Variants in PBRM1 observed in about 807,000 individuals in gnomAD.
PBRM1 encodes the protein protein polybromo-1.
In PBRM1, 27 loss-of-function variants were observed where a neutral mutation model predicts 194.5. The observed-to-expected ratio is 0.14, with a 90% CI of 0.10 to 0.19. The LOEUF is 0.19. PBRM1 is among the 10% of genes least tolerant of loss of function. The pLI is 1.00. For synonymous variants in PBRM1, 655 were observed against 693.2 expected, an observed-to-expected ratio of 0.94 and a Z score of 0.87; for missense variants, 1,466 against 2,077.2, an observed-to-expected ratio of 0.71 and a Z score of 5.72.
chr3:52,668,902 G>A (rs921174596), intron 2 of PBRM1, among the ~76,000 whole-genome samples: 8 of 152,008 alleles, frequency 5.3e-5, no homozygotes, highest in Non-Finnish European at 1.0e-4. Context: ...CACCTGTGAT[G>A]GTCTTTTATA....
intron 15 of PBRM1, among the ~76,000 whole-genome samples, chr3:52,612,678 C>A (rs997770650): frequency 1.3e-4 from 19 of 151,982 alleles, no homozygotes; most frequent in African/African-American, 4.6e-4. Flanking sequence ...CGGAGGCGGA[C>A]GGATCACTTG....
intron 15 of PBRM1, among the ~76,000 whole-genome samples, chr3:52,613,172 A>C (rs1470387835): frequency 6.6e-6 from 1 of 152,192 alleles, no homozygotes; most frequent in East Asian, 1.9e-4. Context: ...ATATCTGCAC[A>C]TATTACAGAT....
At chr3:52,590,270 C>T (rs1224134729) in intron 17 of PBRM1, among the ~76,000 whole-genome samples, 1 of 151,894 alleles carries the variant, frequency 6.6e-6, no homozygotes, top group Non-Finnish European at 1.5e-5. Context: ...GCCTGGCCAA[C>T]ATGGTGAAAC....
chr3:52,587,525 G>A lies in PBRM1; in HGVS notation c.2966-15C>T, dbSNP rs751089459. ...CCATTTTTCACCTCAAAAATGGGGG[G>A]TGGGGGAAGGGGAAGAGAAAGAGAA... is the stretch of plus-strand genomic sequence containing the variant. On this transcript the variant is annotated splice_polypyrimidine_tract_variant and intron_variant, in intron 18 of 29. Transcript: ENST00000296302. 12 of 1,566,430 alleles carry A rather than the reference G, an allele frequency of 7.7e-6. No homozygotes were observed. The East Asian group carries it at 2.5e-4, about 33-fold the overall frequency.
chr3:52,658,412 C>CTTT (rs200866604), intron 4 of PBRM1, 97 bp from the exon 6 acceptor site: 122 of 445,288 alleles, frequency 2.7e-4, no homozygotes, highest in South Asian at 3.7e-4. Flanking sequence ...AAAACAGCAA[C>CTTT]TTTTTTTTTT....
chr3:52,647,445 AAAAAAAAAAAAAATATATATATATATAT>A (rs1435959753), intron 7 of PBRM1, among the ~76,000 whole-genome samples: 2 of 80,672 alleles, frequency 2.5e-5, no homozygotes, highest in Non-Finnish European at 5.1e-5. Context: ...AAAAAAAAAA[AAAAAAAAAAAAAATATATATATATATAT>A]ATATATATAT....
chr3:52,592,307 T>C (rs1274711075), intron 17 of PBRM1, among the ~76,000 whole-genome samples: 1 of 151,670 alleles, frequency 6.6e-6, no homozygotes, highest in Non-Finnish European at 1.5e-5. Flanking sequence ...AATTTTTGTA[T>C]TGTTTCTAGA....
chr3:52,640,265 A>G (rs1231445563), intron 10 of PBRM1, among the ~76,000 whole-genome samples: 36 of 151,676 alleles, frequency 2.4e-4, no homozygotes, highest in African/African-American at 4.8e-5. Context: ...CAAAAGCCCA[A>G]TTTTATTATT....
chr3:52,584,450 C>CTTTTTTTTTATTTTTTTT (rs2092010305), intron 20 of PBRM1, among the ~76,000 whole-genome samples: 1 of 60,750 alleles, frequency 1.6e-5, no homozygotes, highest in African/African-American at 7.7e-5. Context: ...AGTATTCTTG[C>CTTTTTTTTTATTTTTTTT]TTTTTTTTTT....
chr3:52,556,064 T>A (rs536842373), intron 26 of PBRM1, among the ~76,000 whole-genome samples: 23 of 152,312 alleles, frequency 1.5e-4, no homozygotes, highest in African/African-American at 5.1e-4. Flanking sequence ...CTCATTTTTA[T>A]AAAATACTCT....
Position 52,666,385 on chromosome 3 carries a change from A to C in PBRM1, c.384+2113T>G, listed in dbSNP as rs144664836. ...TGGCAAAACCACGTAAAAATACAAAAATTAGCCAGGCATGATGGTGGGTGC... is the reference window on the plus strand; with the variant it reads ...TGGCAAAACCACGTAAAAATACAAACATTAGCCAGGCATGATGGTGGGTGC... On this transcript the variant is annotated intron_variant, in intron 3 of 29. Coordinates refer to ENST00000296302, the Ensembl canonical transcript of PBRM1. 3.6e-4 allele frequency among the ~76,000 whole-genome samples: 55 copies of C among 152,216 alleles called. No individual in the cohort carries two copies. In the East Asian group the frequency reaches 7.9e-3, roughly 22 times the overall value.
intron 13 of PBRM1, among the ~76,000 whole-genome samples, chr3:52,618,056 C>G (rs569296664): frequency 6.6e-6 from 1 of 152,316 alleles, no homozygotes; most frequent in East Asian, 1.9e-4. Flanking sequence ...AAGGAGACTG[C>G]CAGACTAGTG....
chr3:52,651,869 G>C lies in PBRM1; in HGVS notation c.646-59C>G, dbSNP rs959975301. On this transcript the variant is annotated intron_variant, in intron 5 of 29. Coordinates refer to ENST00000296302, the Ensembl canonical transcript of PBRM1. ...TTAAACTATTCAGCTAATGAAAAGA[G>C]AAGGAAGTACATTGACAATCTGTTG... is the stretch of plus-strand genomic sequence containing the variant. 5.4e-6 allele frequency: 6 copies of C among 1,111,738 alleles called. No individual in the cohort carries two copies. In the African/African-American group the frequency reaches 7.9e-5, roughly 15 times the overall value. The allele number at this position is 1,111,738 out of a possible 1,614,324, so 68.9% of individuals were successfully genotyped here.
chr3:52,652,374 G>A (rs1195722360), intron 5 of PBRM1, among the ~76,000 whole-genome samples: 8 of 135,314 alleles, frequency 5.9e-5, no homozygotes, highest in Non-Finnish European at 1.1e-4. Context: ...ACAAGAAAGA[G>A]ACTTCGTCTC....
intron 2 of PBRM1, 76 bp from the exon 4 acceptor site, chr3:52,668,721 T>C: frequency 1.3e-6 from 1 of 782,384 alleles, no homozygotes; most frequent in Non-Finnish European, 1.9e-6. Context: ...CTATTTATGG[T>C]AATGTTCAAC....
intron 20 of PBRM1, among the ~76,000 whole-genome samples, chr3:52,579,682 T>C (rs925517317): frequency 6.6e-6 from 1 of 152,170 alleles, no homozygotes; most frequent in Admixed American, 6.5e-5. Context: ...AATTAGATTA[T>C]TGAAATAAAC....
At chr3:52,563,239 C>G (rs756483784) in intron 24 of PBRM1, 44 bp downstream of exon 26, 32 of 1,505,032 alleles carry the variant, frequency 2.1e-5, no homozygotes, top group Admixed American at 3.5e-5. Flanking sequence ...TGCTGCAAAC[C>G]AAAGGTGGTA....
intron 16 of PBRM1, among the ~76,000 whole-genome samples, chr3:52,607,740 C>A (rs1229622031): frequency 2.0e-5 from 3 of 152,166 alleles, no homozygotes; most frequent in African/African-American, 7.2e-5. Context: ...CATTAAGTAG[C>A]CTCTCAATAA....
At chr3:52,665,844 A>C (rs2096823296) in intron 3 of PBRM1, among the ~76,000 whole-genome samples, 1 of 152,216 alleles carries the variant, frequency 6.6e-6, no homozygotes, top group Non-Finnish European at 1.5e-5. Context: ...AAATTGCCAC[A>C]AAAGAACTAA....
Sources: gnomAD v4.1 joint callset for allele counts (sites outside exome capture counted in the v4.1 genomes callset) on GRCh38, gnomAD v4.1.1 for gene constraint, MANE v1.5 for transcripts, NCBI Gene and HGNC (gene_info 2026-07-23, HGNC 2026-07-21) for gene names.